Variants in ZFPM2 observed in about 807,000 individuals in gnomAD.
ZFPM2 encodes the protein zinc finger protein ZFPM2.
ZFPM2 carries 20 observed loss-of-function variants against 98.6 expected under a neutral mutation model. The ratio of observed to expected loss-of-function variants is 0.20; its 90% CI spans 0.14 to 0.29. ZFPM2 has a LOEUF of 0.29. Ranked by LOEUF, ZFPM2 falls within the 10% of genes least tolerant of loss-of-function variation. The pLI is 1.00. For missense variants in ZFPM2, 1,310 were observed against 1,388.6 expected (o/e 0.94, Z 0.90); for synonymous variants, 518 against 502.7 (o/e 1.03, Z -0.41).
Position 105,393,362 on chromosome 8 carries a change from C to CT in ZFPM2, c.41-25779dup. Among the ~76,000 whole-genome samples the CT allele has an allele frequency of 2.9e-5, 3 of 103,514 alleles. No individual in the cohort carries two copies. In the East Asian group the frequency reaches 7.7e-4, roughly 27 times the overall value. 67.9% of individuals were successfully genotyped at this position (103,514 alleles called of 152,430 possible). A position where few individuals can be genotyped will look rare whatever the true frequency, so the allele number is the denominator to read the frequency against. On this transcript the variant is annotated intron_variant, in intron 1 of 7. Transcript: ENST00000407775. ...CCTTTCTTTCTTTCTTTCTTTCTTT[C>CT]TTTCTTTCTTTCTTTCTTTCTTTCT...
intron 3 of ZFPM2, among the ~76,000 whole-genome samples, chr8:105,523,330 T>C (rs1198225140): frequency 6.6e-6 from 1 of 152,226 alleles, no homozygotes; most frequent in Non-Finnish European, 1.5e-5. Flanking sequence ...TATCACTTGA[T>C]GTCTATTAGG....
intron 4 of ZFPM2, among the ~76,000 whole-genome samples, chr8:105,617,658 C>T (rs191225148): frequency 5.3e-5 from 8 of 152,244 alleles, no homozygotes; most frequent in Admixed American, 5.2e-4. Flanking sequence ...TGAGGCTGTA[C>T]TATGTCTGTT....
At chr8:105,655,790 A>G (rs1247865914) in intron 5 of ZFPM2, among the ~76,000 whole-genome samples, 2 of 152,196 alleles carry the variant, frequency 1.3e-5, no homozygotes, top group African/African-American at 4.8e-5. Flanking sequence ...CTGAATCTTT[A>G]AATACTGACA....
intron 3 of ZFPM2, among the ~76,000 whole-genome samples, chr8:105,555,439 A>G (rs1193868023): frequency 3.9e-5 from 6 of 152,238 alleles, no homozygotes; most frequent in South Asian, 2.1e-4. Flanking sequence ...GCAGACACAT[A>G]TTAAGACAAC....
At chr8:105,768,843 G>T (rs1265613983) in intron 5 of ZFPM2, among the ~76,000 whole-genome samples, 2 of 150,660 alleles carry the variant, frequency 1.3e-5, no homozygotes, top group Non-Finnish European at 3.0e-5. Flanking sequence ...ACACACGCAC[G>T]CACACATACA....
At chr8:105,373,121 G>A (rs905071238) in intron 1 of ZFPM2, among the ~76,000 whole-genome samples, 1 of 152,126 alleles carries the variant, frequency 6.6e-6, no homozygotes, top group Non-Finnish European at 1.5e-5. Flanking sequence ...ACCTCTTGTT[G>A]GCAAATTGCC....
intron 1 of ZFPM2, among the ~76,000 whole-genome samples, chr8:105,366,761 T>C (rs1280314774): frequency 2.7e-5 from 4 of 148,614 alleles, no homozygotes; most frequent in Non-Finnish European, 5.9e-5. Flanking sequence ...TGAGTGAGAA[T>C]ATGCGGTGTT....
intron 2 of ZFPM2, among the ~76,000 whole-genome samples, chr8:105,433,228 A>C (rs1292045922): frequency 3.3e-5 from 5 of 152,204 alleles, no homozygotes; most frequent in Non-Finnish European, 7.3e-5. Context: ...AAGTTGTCTT[A>C]TTTCATGTGG....
chr8:105,602,355 C>CAATATA (rs545009216), intron 4 of ZFPM2, among the ~76,000 whole-genome samples: 28 of 152,074 alleles, frequency 1.8e-4, no homozygotes, highest in African/African-American at 6.5e-4. Flanking sequence ...AGATTTTAGT[C>CAATATA]AATATAAATA....
chr8:105,577,480 T>G (rs1279150704), intron 4 of ZFPM2, among the ~76,000 whole-genome samples: 1 of 152,004 alleles, frequency 6.6e-6, no homozygotes, highest in African/African-American at 2.4e-5. Context: ...AAAGCACACC[T>G]CTATTATTGA....
At chr8:105,548,089 A>G (rs1814753975) in intron 3 of ZFPM2, among the ~76,000 whole-genome samples, 1 of 152,042 alleles carries the variant, frequency 6.6e-6, no homozygotes, top group Non-Finnish European at 1.5e-5. Flanking sequence ...ACATCACACC[A>G]TTAGTTCTGA....
At chr8:105,518,767 C>T (rs1813990195) in intron 3 of ZFPM2, among the ~76,000 whole-genome samples, 1 of 152,154 alleles carries the variant, frequency 6.6e-6, no homozygotes, top group Non-Finnish European at 1.5e-5. Context: ...TTCTCTAAAC[C>T]ATTTTTGACT....
chr8:105,749,288 T>C (rs2131048685), intron 5 of ZFPM2, among the ~76,000 whole-genome samples: 1 of 152,166 alleles, frequency 6.6e-6, no homozygotes, highest in Admixed American at 6.6e-5. Context: ...GTAAAATTAC[T>C]AGTCTCTAAG....
chr8:105,546,418 A>C (rs1814699048), intron 3 of ZFPM2, among the ~76,000 whole-genome samples: 1 of 151,744 alleles, frequency 6.6e-6, no homozygotes, highest in African/African-American at 2.4e-5. Flanking sequence ...AAAAATACAA[A>C]ATTAGACGGG....
At chr8:105,481,583 C>G (rs141255134) in intron 3 of ZFPM2, among the ~76,000 whole-genome samples, 111 of 152,194 alleles carry the variant, frequency 7.3e-4, no homozygotes, top group African/African-American at 2.5e-3. Context: ...TATTCAAATA[C>G]TGTCATAGTG....
intron 5 of ZFPM2, among the ~76,000 whole-genome samples, chr8:105,777,381 C>T (rs1813128709): frequency 6.6e-6 from 1 of 152,094 alleles, no homozygotes. Flanking sequence ...ATAGTTTCTA[C>T]CATTTGTCCA....
rs1360179802 is a variant in ZFPM2, at chr8:105,322,916, T to C, written c.40+3935T>C. 2.0e-5 allele frequency among the ~76,000 whole-genome samples: 3 copies of C among 152,060 alleles called. No homozygotes were observed. The East Asian group carries it at 5.8e-4, about 29-fold the overall frequency. On this transcript the variant is annotated intron_variant, in intron 1 of 7. Transcript: ENST00000407775. Reference sequence around the variant, plus strand: ...GCCGTACGAATTCCTAACTTGCGCATTGGCATTTTAATGTTCTATGCTATT... The same window carrying C: ...GCCGTACGAATTCCTAACTTGCGCACTGGCATTTTAATGTTCTATGCTATT...
At chr8:105,673,844 G>A (rs1190837337) in intron 5 of ZFPM2, among the ~76,000 whole-genome samples, 5 of 152,160 alleles carry the variant, frequency 3.3e-5, no homozygotes, top group African/African-American at 1.2e-4. Flanking sequence ...GATATTGAAT[G>A]AGTAAAGAAT....
intron 2 of ZFPM2, among the ~76,000 whole-genome samples, chr8:105,421,170 A>G (rs1001434265): frequency 2.0e-5 from 3 of 152,124 alleles, no homozygotes; most frequent in African/African-American, 7.2e-5. Flanking sequence ...AAAAATAATG[A>G]CAGACTTTTA....
Sources: allele counts gnomAD v4.1 joint callset (sites outside exome capture counted in the v4.1 genomes callset), GRCh38; gene constraint gnomAD v4.1.1; transcripts MANE v1.5; gene names NCBI Gene and HGNC (gene_info 2026-07-23, HGNC 2026-07-21).